SZT2: variants seen among roughly 807,000 people sequenced by gnomAD.
The protein encoded by SZT2 is KICSTOR complex protein SZT2.
A neutral mutation model predicts 404.2 loss-of-function variants in SZT2; 216 were observed. The observed-to-expected ratio is 0.53, with a 90% CI of 0.48 to 0.60. The LOEUF (loss-of-function observed/expected upper bound fraction) is 0.60, where lower values mean the gene tolerates loss of function less well. Ranked by LOEUF, SZT2 falls within the 20% of genes least tolerant of loss-of-function variation. The pLI, the probability that SZT2 is intolerant of heterozygous loss-of-function variation, is 0.00. For synonymous variants in SZT2, 1,693 were observed against 1,749.9 expected, an observed-to-expected ratio of 0.97 and a Z score of 0.81; for missense variants, 3,857 against 4,459.2, an observed-to-expected ratio of 0.86 and a Z score of 3.85.
At position 43,450,050 on chromosome 1, in the gene SZT2, G is replaced by A; in HGVS notation, c.10087-53G>A. Reference sequence around the variant, plus strand: ...CCTCATCCTCCCTTCACCTCAGGATGCCCTGTGGGAGGGTCTGTAGGGTCT... The same window carrying A: ...CCTCATCCTCCCTTCACCTCAGGATACCCTGTGGGAGGGTCTGTAGGGTCT... On this transcript the variant is annotated intron_variant, in intron 70 of 71. Transcript: ENST00000634258. This position sits in a 1 kb window ranked among gnomAD's most constrained non-coding sequence, Gnocchi z 4.3. 4.4e-6 allele frequency: 7 copies of A among 1,602,144 alleles called. No individual in the cohort carries two copies.
In SZT2 at chr1:43,448,514, G is replaced by A; in HGVS notation, c.9969+30G>A. On this transcript the variant is annotated intron_variant, in intron 69 of 71. Transcript: ENST00000634258. The surrounding 1 kb of genome is among the most constrained non-coding windows in gnomAD (Gnocchi z 4.2). ...GGAACTGTGGGCTCCCGAAAGAGCT[G>A]GGATAGGTGCCAGGAATTCCACTGG... 6.2e-7 allele frequency: 1 copy of A among 1,609,670 alleles called. No individual in the cohort carries two copies. Among genetic ancestry groups the A allele is most frequent in the Non-Finnish European group, 8.5e-7 (1 of 1,177,454 alleles).
chr1:43,390,033 C>T (rs1368588993), intron 1 of SZT2, 38 bp downstream of exon 1: 1 of 1,376,330 alleles, frequency 7.3e-7, no homozygotes, highest in East Asian at 3.0e-5. Flanking sequence ...GCCCCGAGAT[C>T]CGAGGGGGAG....
At position 43,416,613 on chromosome 1, in the gene SZT2, G is replaced by C; in HGVS notation, c.851G>C (p.Ser284Thr). 6.3e-7 allele frequency: 1 copy of C among 1,598,172 alleles called. No homozygotes were observed. The highest frequency in any genetic ancestry group is 8.5e-7 in the Non-Finnish European group (1 of 1,179,728). The change falls in exon 7 of 72, where the codon AGT becomes ACT. Residue 284 changes from serine to threonine, a missense_variant. Physicochemically the swap from Ser to Thr is moderately conservative, Grantham distance 58 (BLOSUM62 1). Transcript: ENST00000634258. ...GAGACACTGCTGAACCAGCTTCGCA[G>C]TGGCACTGTGGCTTGTTCCTTTGTC... ...VCETLLNQLR[S>T]GTVACSFVQV...
chr1:43,404,082 C>G, intron 3 of SZT2: 1 of 522,606 alleles, frequency 1.9e-6, no homozygotes, highest in Non-Finnish European at 3.4e-6. Context: ...TGCTGGCATG[C>G]ACCTGTCCTA....
chr1:43,391,856 C>T (rs1255137653), intron 1 of SZT2, among the ~76,000 whole-genome samples: 2 of 27,320 alleles, frequency 7.3e-5, no homozygotes, highest in Admixed American at 3.4e-4. Context: ...CCGAGGCGGG[C>T]GGATCACGAG....
Position 43,451,348 on chromosome 1 carries a change from A to G in SZT2, c.*868A>G. On this transcript the variant is annotated 3_prime_UTR_variant, in exon 72 of 72. Coordinates refer to ENST00000634258, the MANE Select transcript of SZT2 (RefSeq NM_001365999.1). ...GGGAGGCCTCGGCACCTCAGCCCAC[A>G]AGGAGAAAACAGCCCCTGTCCGGGT... The G allele has an allele frequency of 1.9e-6, 3 of 1,612,822 alleles. No homozygotes were observed. Among genetic ancestry groups the G allele is most frequent in the South Asian group, 2.2e-5 (2 of 91,082 alleles).
intron 4 of SZT2, chr1:43,410,015 A>G (rs1040332747): frequency 6.6e-6 from 1 of 152,270 alleles, no homozygotes; most frequent in African/African-American, 2.4e-5. Context: ...AGATTATACT[A>G]CAAAGCTATA....
intron 60 of SZT2, 41 bp from the exon 61 acceptor site, chr1:43,443,311 T>C (rs1469306176): frequency 3.1e-6 from 5 of 1,614,062 alleles, no homozygotes; most frequent in Non-Finnish European, 4.2e-6. Flanking sequence ...TCTGTGATCC[T>C]GCCCCGTCAC....
At position 43,427,334 on chromosome 1, in the gene SZT2, A is replaced by G. The variant is rs928802222; in HGVS notation, c.3487A>G (p.Lys1163Glu). ...GLEGPPQEET[K>E]PKFGDWSGAP... ...GGAGGGACCCCCTCAAGAGGAGACA[A>G]AGCCTAAGTTTGGGGATTGGAGTGG... is the stretch of plus-strand genomic sequence containing the variant. The change falls in exon 25 of 72, where the codon AAG becomes GAG. Residue 1163 changes from lysine (K) to glutamate (E), a missense_variant. Around this residue, in one of 7 missense-constraint regions of SZT2, gnomAD observed 1,725 missense variants for 1,881.0 expected, o/e 0.92. Coordinates refer to ENST00000634258, the MANE Select transcript of SZT2 (RefSeq NM_001365999.1). 1.2e-6 allele frequency: 2 copies of G among 1,613,962 alleles called. No homozygotes were observed. The highest frequency in any genetic ancestry group is 1.7e-6 in the Non-Finnish European group (2 of 1,179,966).
rs768052855 is a variant in SZT2 at position 43,426,835 on chromosome 1, C to T, written c.3309+26C>T. 1.2e-6 allele frequency: 2 copies of T among 1,607,456 alleles called. No individual in the cohort carries two copies. Among genetic ancestry groups the T allele is most frequent in the African/African-American group, 1.3e-5 (1 of 74,820 alleles). Reference sequence around the variant, plus strand: ...GTCAGCACCGATTCTTCTCCCTGAGCCCTTGTCACACTGACCTCCTTCCAG... The same window carrying T: ...GTCAGCACCGATTCTTCTCCCTGAGTCCTTGTCACACTGACCTCCTTCCAG... On this transcript the variant is annotated intron_variant, in intron 23 of 71. Coordinates refer to ENST00000634258, the MANE Select transcript of SZT2 (RefSeq NM_001365999.1). The surrounding 1 kb of genome is among the most constrained non-coding windows in gnomAD (Gnocchi z 4.9).
At chr1:43,434,266 C>T in intron 40 of SZT2, 120 bp from the exon 41 acceptor site, 1 of 840,876 alleles carries the variant, frequency 1.2e-6, no homozygotes, top group Non-Finnish European at 1.8e-6. Flanking sequence ...TTGGCCCCAC[C>T]TCCATGACTT....
At chr1:43,390,258 G>T (rs1648124437) in intron 1 of SZT2, among the ~76,000 whole-genome samples, 1 of 152,380 alleles carries the variant, frequency 6.6e-6, no homozygotes, top group South Asian at 2.1e-4. Context: ...TCGTCTCTAA[G>T]ACTTATAGCG....
Position 43,429,689 on chromosome 1 carries a change from C to T in SZT2, c.4167-14C>T. On this transcript the variant is annotated splice_polypyrimidine_tract_variant and intron_variant, in intron 28 of 71. Coordinates refer to ENST00000634258, the MANE Select transcript of SZT2 (RefSeq NM_001365999.1). ...GGTTCTTAACACTTCAACATCCTTA[C>T]CCCAACCATTCAGCATAGAGACCGA... The T allele has an allele frequency of 6.2e-7, 1 of 1,614,164 alleles. No homozygotes were observed. Among genetic ancestry groups the T allele is most frequent in the Non-Finnish European group, 8.5e-7 (1 of 1,180,026 alleles).
chr1:43,437,895 G>A lies in SZT2; in HGVS notation c.6501G>A (p.Gly2167=), dbSNP rs1357821442. 3 of 1,614,034 alleles carry A rather than the reference G, an allele frequency of 1.9e-6. No homozygotes were observed. Among genetic ancestry groups the A allele is most frequent in the East Asian group, 4.5e-5 (2 of 44,890 alleles). Reference sequence around the variant, plus strand: ...TCCAGCTGCTGGTCCATGGTGTTGGGCAGGCAGGTAAGGTCTGAGGAGGGG... The same window carrying A: ...TCCAGCTGCTGGTCCATGGTGTTGGACAGGCAGGTAAGGTCTGAGGAGGGG... ...RHIQLLVHGV[G]QAGPEITDEL... is the part of the protein sequence containing the mutation. Residue 2167 remains glycine, a synonymous_variant, in exon 46 of 72, where the codon GGG becomes GGA. Coordinates refer to ENST00000634258, the MANE Select transcript of SZT2 (RefSeq NM_001365999.1). This position sits in a 1 kb window ranked among gnomAD's most constrained non-coding sequence, Gnocchi z 5.3.
intron 7 of SZT2, among the ~76,000 whole-genome samples, chr1:43,416,959 C>T (rs933851232): frequency 2.6e-5 from 4 of 152,152 alleles, no homozygotes; most frequent in African/African-American, 9.7e-5. Context: ...AAACCCCGCT[C>T]AAACTAGCTT....
At chr1:43,430,840 C>G (rs1653784976) in intron 32 of SZT2, 51 bp downstream of exon 32, 1 of 1,587,218 alleles carries the variant, frequency 6.3e-7, no homozygotes, top group Non-Finnish European at 8.6e-7. Flanking sequence ...AACAGCCTGC[C>G]TAAGTGGGAG....
At chr1:43,392,605 G>A (rs1218905302) in intron 1 of SZT2, among the ~76,000 whole-genome samples, 2 of 152,034 alleles carry the variant, frequency 1.3e-5, no homozygotes, top group Non-Finnish European at 2.9e-5. Flanking sequence ...TAGTAAAGAC[G>A]GGGTTTCACC....
Position 43,438,785 on chromosome 1 carries a change from C to T in SZT2, c.6595C>T (p.Arg2199Trp). The change falls in exon 47 of 72, where the codon CGG becomes TGG. Residue 2199 changes from arginine (R) to tryptophan (W), a missense_variant. Coordinates refer to ENST00000634258, the MANE Select transcript of SZT2 (RefSeq NM_001365999.1). ...GGACGTCATCACAGTTATGCTTGTT[C>T]GGAACTGCAAGCTGACACCAGCTGA... ...TLDVITVMLV[R>W]NCKLTPADVE... 1 of 1,613,920 alleles carries T rather than the reference C, an allele frequency of 6.2e-7. No individual in the cohort carries two copies. The highest frequency in any genetic ancestry group is 8.5e-7 in the Non-Finnish European group (1 of 1,179,896).
intron 11 of SZT2, among the ~76,000 whole-genome samples, 174 bp from the exon 12 acceptor site, chr1:43,421,909 C>T (rs1570626693): frequency 6.6e-6 from 1 of 152,254 alleles, no homozygotes; most frequent in African/African-American, 2.4e-5. Flanking sequence ...TCATCCAAAT[C>T]TAGCCTTCAT....
Sources: allele counts gnomAD v4.1 joint callset (sites outside exome capture counted in the v4.1 genomes callset), GRCh38; gene constraint gnomAD v4.1.1; regional missense constraint gnomAD v4.1.1; non-coding constraint Gnocchi (gnomAD v3.1); transcripts MANE v1.5; gene names NCBI Gene and HGNC (gene_info 2026-07-23, HGNC 2026-07-21).